Variants in EDA observed in about 807,000 individuals in gnomAD.
EDA encodes ectodysplasin A.
Under a neutral mutation model 23.6 loss-of-function variants are expected in EDA, and 2 were observed. The observed-to-expected ratio is 0.08, with a 90% CI of 0.03 to 0.27. The LOEUF (loss-of-function observed/expected upper bound fraction) is 0.27. Among genes scored for constraint, EDA ranks in the 10% least tolerant of loss-of-function variants. EDA has a pLI of 1.00. For missense variants in EDA, 229 were observed against 324.2 expected (o/e 0.71, Z 2.26); for synonymous variants, 131 against 132.0 (o/e 0.99, Z 0.05).
At chrX:69,917,739 A>G (rs905993426) in intron 1 of EDA, among the ~76,000 whole-genome samples, 2 of 111,304 alleles carry the variant, frequency 1.8e-5, no homozygotes, top group Non-Finnish European at 3.8e-5. Flanking sequence ...TGGCACTTAG[A>G]TTATCAATTT....
intron 1 of EDA, among the ~76,000 whole-genome samples, chrX:69,713,977 T>C (rs888076660): frequency 4.5e-5 from 5 of 110,824 alleles, no homozygotes; most frequent in African/African-American, 1.6e-4. Context: ...TTTATAATTT[T>C]ACTTTATACA....
intron 1 of EDA, among the ~76,000 whole-genome samples, chrX:69,713,728 C>T (rs1404759328): frequency 9.0e-6 from 1 of 111,612 alleles, no homozygotes; most frequent in African/African-American, 3.3e-5. Flanking sequence ...AGTAATGTTT[C>T]ATTGTGTGGA....
intron 1 of EDA, chrX:69,670,335 T>A: frequency 2.7e-6 from 1 of 368,248 alleles, no homozygotes; most frequent in Non-Finnish European, 4.7e-6. Flanking sequence ...TTTAAAGTTT[T>A]CTCTTTGACT....
chrX:69,868,487 T>C (rs2017518764), intron 1 of EDA, among the ~76,000 whole-genome samples: 1 of 111,959 alleles, frequency 8.9e-6, no homozygotes, highest in South Asian at 3.7e-4. Context: ...GGTAGAAGGT[T>C]CCTGAGTTTT....
intron 1 of EDA, among the ~76,000 whole-genome samples, chrX:69,678,082 C>G (rs1251425222): frequency 9.0e-6 from 1 of 111,161 alleles, no homozygotes; most frequent in Non-Finnish European, 1.9e-5. Flanking sequence ...ATAGGGAATC[C>G]TTTCCCCATT....
chrX:69,777,248 C>T (rs975782444), intron 1 of EDA, among the ~76,000 whole-genome samples: 2 of 109,629 alleles, frequency 1.8e-5, no homozygotes, highest in Admixed American at 9.9e-5. Flanking sequence ...ATAGAGATCT[C>T]TAGTGAATGT....
At chrX:69,767,877 G>A (rs974213774) in intron 1 of EDA, among the ~76,000 whole-genome samples, 3 of 111,647 alleles carry the variant, frequency 2.7e-5, no homozygotes, top group African/African-American at 9.7e-5. Flanking sequence ...CTTTTTAATT[G>A]TAGCCATTCT....
chrX:69,869,473 G>A (rs2017533467), intron 1 of EDA, among the ~76,000 whole-genome samples: 1 of 111,219 alleles, frequency 9.0e-6, no homozygotes, highest in Admixed American at 9.5e-5. Context: ...TGCATAAATT[G>A]TCAGTAATAT....
intron 1 of EDA, among the ~76,000 whole-genome samples, chrX:69,746,455 G>C (rs958377455): frequency 2.7e-5 from 3 of 111,586 alleles, no homozygotes; most frequent in Non-Finnish European, 5.6e-5. Context: ...GTGTCTTCTT[G>C]GAGACCTGGG....
chrX:69,782,691 T>C (rs1260697348), intron 1 of EDA, among the ~76,000 whole-genome samples: 1 of 111,835 alleles, frequency 8.9e-6, no homozygotes, highest in Non-Finnish European at 1.9e-5. Context: ...AGCGGGCCAA[T>C]AAAGCGTCTG....
At chrX:69,734,964 G>T (rs2013196174) in intron 1 of EDA, among the ~76,000 whole-genome samples, 1 of 110,878 alleles carries the variant, frequency 9.0e-6, no homozygotes, top group South Asian at 3.8e-4. Context: ...ACAGGAAGGG[G>T]GTTCCTCAAA....
intron 1 of EDA, among the ~76,000 whole-genome samples, chrX:69,634,683 C>G (rs1274113786): frequency 9.1e-6 from 1 of 109,529 alleles, no homozygotes; most frequent in African/African-American, 3.3e-5. Flanking sequence ...ATTTTTTTTT[C>G]CTACTTCTCT....
At chrX:69,824,844 G>A (rs200991344) in intron 1 of EDA, among the ~76,000 whole-genome samples, 13,544 of 44,968 alleles carry the variant, frequency 0.3, 3,635 homozygotes, top group East Asian at 0.97. Flanking sequence ...TTTGTCATAG[G>A]TAGCTCTTAT....
Position 70,023,204 on chromosome X carries a change from T to C in EDA, c.503-14T>C, listed in dbSNP as rs377244379. 4.0e-5 allele frequency: 42 copies of C among 1,054,618 alleles called. No individual in the cohort carries two copies. The highest frequency in any genetic ancestry group is 5.0e-5 in the Non-Finnish European group (38 of 759,119). 86.9% of individuals were successfully genotyped at this position (1,054,618 alleles called of 1,213,427 possible). A position where few individuals can be genotyped will look rare whatever the true frequency, so the allele number is the denominator to read the frequency against. Reference sequence around the variant, plus strand: ...TTTCCAATGACTTAATTATCTATTTTATTTTTCTTATAGGCCCAGTTAAAA... The same window carrying C: ...TTTCCAATGACTTAATTATCTATTTCATTTTTCTTATAGGCCCAGTTAAAA... On this transcript the variant is annotated splice_polypyrimidine_tract_variant and intron_variant, in intron 2 of 7. Coordinates refer to ENST00000374552, the MANE Select transcript of EDA (RefSeq NM_001399.5).
intron 1 of EDA, among the ~76,000 whole-genome samples, chrX:69,664,638 A>G (rs1211624644): frequency 9.5e-6 from 1 of 105,319 alleles, no homozygotes; most frequent in East Asian, 3.1e-4. Context: ...GCAAGATCTC[A>G]TTTCTTTTTA....
intron 1 of EDA, among the ~76,000 whole-genome samples, chrX:69,820,277 A>C: frequency 8.9e-6 from 1 of 112,332 alleles, no homozygotes; most frequent in Middle Eastern, 4.6e-3. Flanking sequence ...GTGAAACCCA[A>C]AACTATAAAA....
At chrX:69,771,043 G>GTATTTATT (rs748339806) in intron 1 of EDA, among the ~76,000 whole-genome samples, 1,670 of 109,494 alleles carry the variant, frequency 0.015, 44 homozygotes, top group African/African-American at 0.05. Flanking sequence ...TGCAAAGAAA[G>GTATTTATT]TATTTATTTA....
At chrX:69,651,674 G>A (rs1933110091) in intron 1 of EDA, among the ~76,000 whole-genome samples, 1 of 111,558 alleles carries the variant, frequency 9.0e-6, no homozygotes, top group Non-Finnish European at 1.9e-5. Flanking sequence ...TGGTAGGATG[G>A]AACAGTTTAA....
chrX:69,904,198 T>C (rs2018144754), intron 1 of EDA, among the ~76,000 whole-genome samples: 1 of 112,293 alleles, frequency 8.9e-6, no homozygotes, highest in Non-Finnish European at 1.9e-5. Flanking sequence ...TTTATCTTTT[T>C]TGTGTTAGGA....
Sources: allele counts gnomAD v4.1 joint callset (sites outside exome capture counted in the v4.1 genomes callset), GRCh38; gene constraint gnomAD v4.1.1; transcripts MANE v1.5; gene names NCBI Gene and HGNC (gene_info 2026-07-23, HGNC 2026-07-21).